The following RXRA variants were observed in gnomAD, a reference collection of about 807,000 sequenced individuals.
The protein encoded by RXRA is retinoid X receptor alpha.
A neutral mutation model predicts 44.5 loss-of-function variants in RXRA; 5 were observed. That is an observed-to-expected ratio of 0.11 (90% CI 0.06 to 0.24). The LOEUF is 0.24. RXRA is among the 10% of genes least tolerant of loss of function. The pLI, the probability that RXRA is intolerant of heterozygous loss-of-function variation, is 1.00. For synonymous variants in RXRA, 291 were observed against 271.4 expected (o/e 1.07, Z -0.71); for missense variants, 412 against 646.5 (o/e 0.64, Z 3.93).
rs528576040 is a variant in RXRA at position 134,352,491 on chromosome 9, G to A, written c.28+25832G>A. ...GGGGCTGTCCTGCCCTCCCTGCCTC[G>A]CCCCTGCCCAGCAGTGGGCAGCAGT... On this transcript the variant is annotated intron_variant, in intron 1 of 9. Coordinates refer to ENST00000481739, the MANE Select transcript of RXRA (RefSeq NM_002957.6). Among the ~76,000 whole-genome samples, 688 of 152,260 alleles carry A rather than the reference G, an allele frequency of 4.5e-3. 4 individuals carry two copies. The highest frequency in any genetic ancestry group is 0.015 in the African/African-American group (637 of 41,530).
intron 1 of RXRA, among the ~76,000 whole-genome samples, chr9:134,385,745 C>T (rs957256014): frequency 3.3e-5 from 5 of 152,254 alleles, no homozygotes; most frequent in African/African-American, 7.2e-5. Flanking sequence ...TCCTGCATGC[C>T]GGCTGGCACC....
chr9:134,429,373 A>G (rs1368557938), intron 7 of RXRA, 133 bp downstream of exon 7: 1 of 959,146 alleles, frequency 1.0e-6, no homozygotes, highest in African/African-American at 1.6e-5. Flanking sequence ...CACACATGGA[A>G]AAAGAGAAAA....
chr9:134,425,501 T>C (rs1831417023), intron 6 of RXRA: 1 of 976,720 alleles, frequency 1.0e-6, no homozygotes, highest in African/African-American at 1.8e-5. Flanking sequence ...AGCGGGGTCG[T>C]CTGAGGGCCT....
Position 134,433,985 on chromosome 9 carries a change from A to G in RXRA, c.1136-117A>G. The G allele has an allele frequency of 1.4e-6, 1 of 697,270 alleles. No individual in the cohort carries two copies. Among genetic ancestry groups the G allele is most frequent in the Non-Finnish European group, 2.4e-6 (1 of 410,406 alleles). The allele number at this position is 697,270 out of a possible 1,614,324, so 43.2% of individuals were successfully genotyped here. A position where few individuals can be genotyped will look rare whatever the true frequency, so the allele number is the denominator to read the frequency against. On this transcript the variant is annotated intron_variant, in intron 8 of 9. Coordinates refer to ENST00000481739, the MANE Select transcript of RXRA (RefSeq NM_002957.6). The surrounding 1 kb of genome is among the most constrained non-coding windows in gnomAD (Gnocchi z 4.2). ...GCATGTCCAGCGGCATTCCTCCACCACCTGCTCTGCCCATGGTGGGGCAGC... is the reference window on the plus strand; with the variant it reads ...GCATGTCCAGCGGCATTCCTCCACCGCCTGCTCTGCCCATGGTGGGGCAGC...
chr9:134,370,400 G>T (rs977526912), intron 1 of RXRA, among the ~76,000 whole-genome samples: 1 of 152,232 alleles, frequency 6.6e-6, no homozygotes, highest in Non-Finnish European at 1.5e-5. Context: ...TCTGGTCCCT[G>T]TGTGCAGACG....
intron 6 of RXRA, chr9:134,423,096 C>T (rs1005355195): frequency 2.3e-5 from 23 of 985,480 alleles, no homozygotes; most frequent in Non-Finnish European, 2.8e-5. Context: ...GGCAGGCCCC[C>T]CGCAAAGCTG....
intron 7 of RXRA, 51 bp downstream of exon 7, chr9:134,429,291 A>G: frequency 1.3e-6 from 2 of 1,588,102 alleles, no homozygotes; most frequent in Non-Finnish European, 8.6e-7. Context: ...CTCCGCCACC[A>G]GGCCAGCTGA....
intron 1 of RXRA, among the ~76,000 whole-genome samples, chr9:134,334,559 C>T (rs1003127943): frequency 6.6e-6 from 1 of 152,240 alleles, no homozygotes; most frequent in Non-Finnish European, 1.5e-5. Context: ...AGCCGTCCCT[C>T]GAACTCAGCT....
At chr9:134,381,871 T>A (rs897778940) in intron 1 of RXRA, among the ~76,000 whole-genome samples, 1 of 152,014 alleles carries the variant, frequency 6.6e-6, no homozygotes, top group African/African-American at 2.4e-5. Context: ...CTTTGGTGTG[T>A]GGGGCCCACA....
In RXRA at chr9:134,426,678, G is replaced by T; in HGVS notation, c.911-2430G>T. ...GCGAGTCTACCCTGGTGCCTGCTGG[G>T]TGGCCTCAGGGGCTCTCGGGGCAGT... On this transcript the variant is annotated intron_variant, in intron 6 of 9. Transcript: ENST00000481739. The surrounding 1 kb of genome is among the most constrained non-coding windows in gnomAD (Gnocchi z 4.6). 2.0e-6 allele frequency: 2 copies of T among 985,442 alleles called. No individual in the cohort carries two copies. The highest frequency in any genetic ancestry group is 2.4e-6 in the Non-Finnish European group (2 of 829,930). 61.0% of individuals were successfully genotyped at this position (985,442 alleles called of 1,614,324 possible).
intron 6 of RXRA, among the ~76,000 whole-genome samples, chr9:134,427,554 G>T (rs1272617087): frequency 1.3e-5 from 2 of 152,220 alleles, no homozygotes; most frequent in African/African-American, 4.8e-5. Flanking sequence ...TGCCATCCCT[G>T]CCTGGTCTGT....
At chr9:134,400,399 C>T (rs1282726301) in intron 1 of RXRA, among the ~76,000 whole-genome samples, 2 of 152,306 alleles carry the variant, frequency 1.3e-5, no homozygotes, top group Non-Finnish European at 2.9e-5. Flanking sequence ...GCTCGACTCC[C>T]CAGAAGTGCC....
chr9:134,376,891 G>C (rs1830564846), intron 1 of RXRA, among the ~76,000 whole-genome samples: 1 of 152,232 alleles, frequency 6.6e-6, no homozygotes, highest in Non-Finnish European at 1.5e-5. Context: ...AGTCTCTGAG[G>C]GGGTGCAGGA....
intron 1 of RXRA, among the ~76,000 whole-genome samples, chr9:134,396,211 C>T (rs925599294): frequency 2.6e-5 from 4 of 152,172 alleles, no homozygotes; most frequent in Non-Finnish European, 5.9e-5. Flanking sequence ...CTCACCATGG[C>T]CGGCATCTCC....
At chr9:134,401,539 A>G in intron 1 of RXRA, 93 bp from the exon 2 acceptor site, 1 of 1,582,850 alleles carries the variant, frequency 6.3e-7, no homozygotes, top group Non-Finnish European at 8.5e-7. Flanking sequence ...GTCTTCCCGC[A>G]GGTGCGTGCA....
intron 1 of RXRA, among the ~76,000 whole-genome samples, chr9:134,362,721 C>T (rs867250075): frequency 3.3e-5 from 5 of 152,348 alleles, no homozygotes; most frequent in African/African-American, 1.2e-4. Flanking sequence ...CCAGCAAGGC[C>T]CCCACGAGTG....
At chr9:134,402,412 C>T (rs1830979238) in intron 2 of RXRA, 1 of 154,204 alleles carries the variant, frequency 6.5e-6, no homozygotes, top group African/African-American at 2.4e-5. Context: ...CTCGGCTCCC[C>T]CACGGCTCTG....
Position 134,407,875 on chromosome 9 carries a change from T to TG in RXRA, c.280-266dup, listed in dbSNP as rs970469721. 4.8e-4 allele frequency among the ~76,000 whole-genome samples: 73 copies of TG among 151,158 alleles called. No individual in the cohort carries two copies. The Middle Eastern group carries it at 0.01, about 21-fold the overall frequency. ...TTGCAAGCAGGGACCGCCCATGTGTTGGGGGGGGTGTTGAAGGTCCTTTTC... is the reference window on the plus strand; with the variant it reads ...TTGCAAGCAGGGACCGCCCATGTGTTGGGGGGGGGTGTTGAAGGTCCTTTTC... On this transcript the variant is annotated intron_variant, in intron 2 of 9. Transcript: ENST00000481739. This position sits in a 1 kb window ranked among gnomAD's most constrained non-coding sequence, Gnocchi z 4.8.
chr9:134,379,196 C>G (rs1432791801), intron 1 of RXRA: 1 of 877,456 alleles, frequency 1.1e-6, no homozygotes, highest in Admixed American at 6.2e-5. Context: ...CTCGGTTGGA[C>G]CTGCTTGTCC....
Sources: gnomAD v4.1 joint callset for allele counts (sites outside exome capture counted in the v4.1 genomes callset) on GRCh38, gnomAD v4.1.1 for gene constraint, Gnocchi (gnomAD v3.1) non-coding constraint, MANE v1.5 for transcripts, NCBI Gene and HGNC (gene_info 2026-07-23, HGNC 2026-07-21) for gene names.